The following ANKRD30A variants were observed in gnomAD, a reference collection of about 807,000 sequenced individuals.
ANKRD30A encodes the protein ankyrin repeat domain 30A.
A neutral mutation model predicts 166.3 loss-of-function variants in ANKRD30A; 170 were observed. The observed-to-expected ratio is 1.02, with a 90% CI of 0.90 to 1.16. ANKRD30A has a LOEUF of 1.16. ANKRD30A is among the 50% of genes most tolerant of loss of function. The pLI, the probability that ANKRD30A is intolerant of heterozygous loss-of-function variation, is 0.00. For missense variants in ANKRD30A, 1,630 were observed against 1,518.0 expected (o/e 1.07, Z -1.23); for synonymous variants, 564 against 508.9 (o/e 1.11, Z -1.46).
At chr10:37,204,349 C>A (rs1013045303) in intron 31 of ANKRD30A, among the ~76,000 whole-genome samples, 6 of 152,034 alleles carry the variant, frequency 3.9e-5, no homozygotes, top group Non-Finnish European at 7.4e-5. Context: ...ATGAACCAGA[C>A]AAAAACAAGA....
intron 34 of ANKRD30A, among the ~76,000 whole-genome samples, chr10:37,228,840 C>A (rs1342733789): frequency 6.6e-6 from 1 of 151,972 alleles, no homozygotes; most frequent in Non-Finnish European, 1.5e-5. Context: ...TGTAAGTTTT[C>A]TATTGTCATT....
At chr10:37,227,846 C>A (rs985398790) in intron 34 of ANKRD30A, among the ~76,000 whole-genome samples, 5 of 152,008 alleles carry the variant, frequency 3.3e-5, no homozygotes. Context: ...GTACAATCAT[C>A]TGTAGATGTT....
At chr10:37,230,904 T>C (rs1391988170) in intron 34 of ANKRD30A, among the ~76,000 whole-genome samples, 2 of 152,122 alleles carry the variant, frequency 1.3e-5, no homozygotes, top group Non-Finnish European at 2.9e-5. Context: ...TTGGTCACAA[T>C]GTTAGTAGCT....
At position 37,178,606 on chromosome 10, in the gene ANKRD30A, C is replaced by G. The variant is rs1420845635; in HGVS notation, c.2421+2388C>G. The G allele has an allele frequency of 1.5e-5, 15 of 974,392 alleles. 1 individual carries two copies. Among genetic ancestry groups the G allele is most frequent in the African/African-American group, 1.8e-5 (1 of 57,058 alleles). 60.4% of individuals were successfully genotyped at this position (974,392 alleles called of 1,614,324 possible). A position where few individuals can be genotyped will look rare whatever the true frequency, so the allele number is the denominator to read the frequency against. On this transcript the variant is annotated intron_variant, in intron 24 of 35. Transcript: ENST00000361713. The stretch of plus-strand genomic sequence containing the variant: ...GGTCAGGAGAAAACATCATGGTCCT[C>G]TTAATTTTGAGGATGTTTTTAGTCA...
chr10:37,141,572 CA>C (rs909714989), intron 6 of ANKRD30A, 145 bp from the exon 7 acceptor site: 98,375 of 733,190 alleles, frequency 0.13, 17 homozygotes, highest in South Asian at 0.18. Flanking sequence ...GACTCTGTCT[CA>C]AAAAAAAAAA....
At chr10:37,230,425 G>A (rs567336989) in intron 34 of ANKRD30A, among the ~76,000 whole-genome samples, 3 of 151,926 alleles carry the variant, frequency 2.0e-5, no homozygotes, top group East Asian at 3.9e-4. Flanking sequence ...TGTCTCTTCC[G>A]CATTTGTTGG....
chr10:37,249,693 G>A, the ANKRD30A span, among the ~76,000 whole-genome samples: 2 of 152,160 alleles, frequency 1.3e-5, no homozygotes, highest in African/African-American at 2.4e-5. Context: ...GAAATTCAGG[G>A]TAGGTGTGGA....
intron 13 of ANKRD30A, among the ~76,000 whole-genome samples, chr10:37,154,329 C>A (rs1838195051): frequency 6.6e-6 from 1 of 152,198 alleles, no homozygotes; most frequent in Non-Finnish European, 1.5e-5. Flanking sequence ...ACAATTCACA[C>A]TGAGATTCAG....
intron 31 of ANKRD30A, among the ~76,000 whole-genome samples, chr10:37,206,374 A>G (rs1350164268): frequency 6.6e-6 from 1 of 152,172 alleles, no homozygotes; most frequent in African/African-American, 2.4e-5. Context: ...ACAGTGACTC[A>G]TTACTCTTCT....
intron 31 of ANKRD30A, among the ~76,000 whole-genome samples, chr10:37,211,997 T>G (rs1424905570): frequency 2.0e-5 from 3 of 152,022 alleles, no homozygotes; most frequent in African/African-American, 7.2e-5. Context: ...CTATTCAACA[T>G]AGTGTTGGAA....
At chr10:37,194,361 GT>G (rs922375613) in intron 27 of ANKRD30A, among the ~76,000 whole-genome samples, 3 of 150,832 alleles carry the variant, frequency 2.0e-5, no homozygotes, top group African/African-American at 7.3e-5. Flanking sequence ...GTTTTGTTTT[GT>G]TTTTGTTTTT....
the ANKRD30A span, among the ~76,000 whole-genome samples, chr10:37,256,523 A>G: frequency 6.6e-6 from 1 of 152,216 alleles, no homozygotes; most frequent in Admixed American, 6.5e-5. Flanking sequence ...CTCTATAAAG[A>G]CAGACCTTCT....
At chr10:37,142,608 A>G (rs1198737464) in intron 7 of ANKRD30A, among the ~76,000 whole-genome samples, 4 of 119,878 alleles carry the variant, frequency 3.3e-5, no homozygotes, top group Non-Finnish European at 6.5e-5. Flanking sequence ...TTTGTGAGAC[A>G]GAGTCTCGAA....
At chr10:37,150,201 G>T (rs887187334) in intron 11 of ANKRD30A, among the ~76,000 whole-genome samples, 1 of 151,800 alleles carries the variant, frequency 6.6e-6, no homozygotes, top group African/African-American at 2.4e-5. Context: ...GTTTACTTCG[G>T]GGATCACGTC....
At chr10:37,159,468 T>C (rs915052668) in intron 15 of ANKRD30A, among the ~76,000 whole-genome samples, 3 of 151,966 alleles carry the variant, frequency 2.0e-5, no homozygotes, top group Non-Finnish European at 4.4e-5. Context: ...CAGTGAGCCG[T>C]CCTTTTGCCA....
chr10:37,216,200 A>G lies in ANKRD30A; in HGVS notation c.2889A>G (p.Lys963=), dbSNP rs1306513836. 1.2e-6 allele frequency: 2 copies of G among 1,600,842 alleles called. No homozygotes were observed. The highest frequency in any genetic ancestry group is 2.2e-5 in the East Asian group (1 of 44,626). Reference sequence around the variant, plus strand: ...AGACAGATTCAACTAGCCTATCAAAAATCTTGGATACAGTTCATTCTTGTG... The same window carrying G: ...AGACAGATTCAACTAGCCTATCAAAGATCTTGGATACAGTTCATTCTTGTG... ...GKLEDSTSLS[K]ILDTVHSCER... The change falls in exon 32 of 36, where the codon AAA becomes AAG. Residue 963 remains lysine, a synonymous_variant. Coordinates refer to ENST00000361713, the MANE Select transcript of ANKRD30A (RefSeq NM_052997.3).
intron 15 of ANKRD30A, among the ~76,000 whole-genome samples, chr10:37,159,839 C>A (rs1291545242): frequency 6.6e-6 from 1 of 152,040 alleles, no homozygotes; most frequent in Non-Finnish European, 1.5e-5. Flanking sequence ...GGACTCCAGG[C>A]GCCTGCCACC....
In ANKRD30A at chr10:37,142,261, A is replaced by C. The variant is rs763859005; in HGVS notation, c.1364A>C (p.Lys455Thr). The C allele has an allele frequency of 6.3e-7, 1 of 1,597,338 alleles. No homozygotes were observed. Among genetic ancestry groups the C allele is most frequent in the South Asian group, 1.2e-5 (1 of 86,846 alleles). ...GRSKMIACPT[K>T]ESSTKASAND... ...TCTAAGATGATTGCATGTCCTACAA[A>C]AGAATCATCTACAAAAGCAAGTGCC... The change falls in exon 7 of 36, where the codon AAA becomes ACA. Residue 455 changes from lysine to threonine, a missense_variant. Physicochemically the swap from Lys to Thr is moderately conservative, Grantham distance 78. Coordinates refer to ENST00000361713, the MANE Select transcript of ANKRD30A (RefSeq NM_052997.3).
intron 7 of ANKRD30A, among the ~76,000 whole-genome samples, chr10:37,143,699 A>G (rs1463345053): frequency 5.3e-5 from 8 of 152,208 alleles, no homozygotes; most frequent in African/African-American, 1.4e-4. Context: ...TATAACAGCT[A>G]TTGAACTCTG....
Sources: gnomAD v4.1 joint callset for allele counts (sites outside exome capture counted in the v4.1 genomes callset) on GRCh38, gnomAD v4.1.1 for gene constraint, MANE v1.5 for transcripts, NCBI Gene and HGNC (gene_info 2026-07-23, HGNC 2026-07-21) for gene names.